Variants in IQSEC1 observed in about 807,000 individuals in gnomAD.
The protein encoded by IQSEC1 is IQ motif and SEC7 domain-containing protein 1.
IQSEC1 carries 31 observed loss-of-function variants against 91.0 expected under a neutral mutation model. That is an observed-to-expected ratio of 0.34 (90% CI 0.26 to 0.46). IQSEC1 has a LOEUF of 0.46. Ranked by LOEUF, IQSEC1 falls within the 20% of genes least tolerant of loss-of-function variation. The pLI, the probability that IQSEC1 is intolerant of heterozygous loss-of-function variation, is 1.00. For synonymous variants in IQSEC1, 699 were observed against 662.6 expected, an observed-to-expected ratio of 1.05 and a Z score of -0.84; for missense variants, 1,388 against 1,575.6, an observed-to-expected ratio of 0.88 and a Z score of 2.02.
chr3:13,172,424 A>G (rs192358708), intron 1 of IQSEC1, among the ~76,000 whole-genome samples: 2 of 152,322 alleles, frequency 1.3e-5, no homozygotes, highest in African/African-American at 4.8e-5. Flanking sequence ...CAGGCCCAGA[A>G]AGACTGAAGC....
intron 2 of IQSEC1, among the ~76,000 whole-genome samples, chr3:13,132,423 G>T (rs1706636151): frequency 6.6e-6 from 1 of 152,106 alleles, no homozygotes; most frequent in African/African-American, 2.4e-5. Context: ...GTTTTCTCAC[G>T]CTCACGAGCT....
chr3:13,206,067 A>T lies in IQSEC1; in HGVS notation c.273-41934T>A, dbSNP rs1249166122. On this transcript the variant is annotated intron_variant, in intron 1 of 15. Transcript: ENST00000648114. ...TGCCCATCCATCACTCCTCCCACCC[A>T]TCTATCTCTCCATCCGGTCAACCAT... Among the ~76,000 whole-genome samples the T allele has an allele frequency of 2.3e-5, 3 of 128,052 alleles. No homozygotes were observed. In the East Asian group the frequency reaches 6.9e-4, roughly 30 times the overall value. 84.0% of individuals were successfully genotyped at this position (128,052 alleles called of 152,430 possible).
chr3:12,951,320 G>C (rs1699528784), intron 1 of IQSEC1, among the ~76,000 whole-genome samples: 1 of 152,176 alleles, frequency 6.6e-6, no homozygotes, highest in African/African-American at 2.4e-5. Flanking sequence ...CTACTCGGGA[G>C]GCTAAGGCGC....
At chr3:13,006,842 G>T (rs1444129623) in intron 1 of IQSEC1, among the ~76,000 whole-genome samples, 2 of 152,314 alleles carry the variant, frequency 1.3e-5, no homozygotes, top group African/African-American at 4.8e-5. Context: ...CCCACGTGGA[G>T]CCCAGAGACA....
chr3:12,978,628 C>T (rs992471553), intron 1 of IQSEC1, among the ~76,000 whole-genome samples: 2 of 152,000 alleles, frequency 1.3e-5, no homozygotes, highest in Non-Finnish European at 2.9e-5. Flanking sequence ...TCACTTGAAC[C>T]CTGGAGGTGG....
At chr3:12,999,705 T>G (rs1327393318) in intron 1 of IQSEC1, among the ~76,000 whole-genome samples, 1 of 152,180 alleles carries the variant, frequency 6.6e-6, no homozygotes, top group Non-Finnish European at 1.5e-5. Flanking sequence ...TCAGTTCCCA[T>G]TGTCTCTGCA....
chr3:12,929,936 C>T lies in IQSEC1; in HGVS notation c.1569-5194G>A, dbSNP rs372919657. 3.3e-5 allele frequency among the ~76,000 whole-genome samples: 5 copies of T among 152,214 alleles called. No homozygotes were observed. The South Asian group carries it at 8.3e-4, about 25-fold the overall frequency. On this transcript the variant is annotated intron_variant, in intron 3 of 13. Coordinates refer to ENST00000613206, the MANE Select transcript of IQSEC1 (RefSeq NM_001134382.3). The stretch of plus-strand genomic sequence containing the variant: ...GCCAGCTTTTCCTCACATCAGATGA[C>T]GATTCAGATTCAAGTGTGACAGGTA...
At chr3:13,088,890 G>A (rs541336705) in intron 2 of IQSEC1, among the ~76,000 whole-genome samples, 8 of 152,252 alleles carry the variant, frequency 5.3e-5, no homozygotes, top group Non-Finnish European at 7.3e-5. Flanking sequence ...CCTCCTGCTA[G>A]GCTAAGTATT....
chr3:12,922,097 G>A lies in IQSEC1; in HGVS notation c.1853+23C>T. 1.3e-6 allele frequency: 2 copies of A among 1,552,898 alleles called. No homozygotes were observed. The highest frequency in any genetic ancestry group is 1.7e-6 in the Non-Finnish European group (2 of 1,143,250). On this transcript the variant is annotated intron_variant, in intron 5 of 13. Transcript: ENST00000613206. This position sits in a 1 kb window ranked among gnomAD's most constrained non-coding sequence, Gnocchi z 5.1. ...GACACCATTCTTCCCTGATGCAGCA[G>A]CCCCAGCCAGCCCGGGCCCCACCTG...
At chr3:13,192,032 CT>C (rs2125035626) in intron 1 of IQSEC1, among the ~76,000 whole-genome samples, 1 of 152,284 alleles carries the variant, frequency 6.6e-6, no homozygotes, top group East Asian at 1.9e-4. Context: ...ATGCCATGTT[CT>C]GATTAGAAAG....
rs577679267 is a variant in IQSEC1, at chr3:13,211,816, G to A, written c.273-47683C>T. ...GCAGATGAAATCCCTAAAAGCCCAC[G>A]GCAAATGCCGCACCCTCCATGCAGC... is the stretch of plus-strand genomic sequence containing the variant. On this transcript the variant is annotated intron_variant, in intron 1 of 15. Transcript: ENST00000648114. The surrounding 1 kb of genome is among the most constrained non-coding windows in gnomAD (Gnocchi z 5.3). 5.3e-5 allele frequency among the ~76,000 whole-genome samples: 8 copies of A among 152,146 alleles called. No homozygotes were observed. Among genetic ancestry groups the A allele is most frequent in the Non-Finnish European group, 8.8e-5 (6 of 68,028 alleles).
intron 1 of IQSEC1, among the ~76,000 whole-genome samples, chr3:12,961,703 C>T (rs950787257): frequency 3.9e-5 from 6 of 152,238 alleles, no homozygotes; most frequent in Admixed American, 2.0e-4. Context: ...CAGTTCCACA[C>T]AGTCAAACTT....
chr3:12,909,412 G>C lies in IQSEC1; in HGVS notation c.2439C>G (p.Leu813=). Residue 813 remains leucine, a synonymous_variant, in exon 11 of 14, where the codon CTC becomes CTG. Transcript: ENST00000613206. The surrounding 1 kb of genome is among the most constrained non-coding windows in gnomAD (Gnocchi z 4.9). ...TATCTGCTCCGGGGACAGACGAGGT[G>C]AGCCGGATGCCATTGGGGTAGTCTG... ...ENQYYPNGIR[L]TSSVPGADIK... is the part of the protein sequence containing the mutation. The C allele has an allele frequency of 1.2e-6, 2 of 1,614,158 alleles. No homozygotes were observed. The highest frequency in any genetic ancestry group is 2.2e-5 in the East Asian group (1 of 44,876).
At chr3:12,930,021 G>A (rs1013897907) in intron 3 of IQSEC1, among the ~76,000 whole-genome samples, 6 of 152,254 alleles carry the variant, frequency 3.9e-5, no homozygotes, top group Admixed American at 3.3e-4. Context: ...TCAGCGGCAA[G>A]CTGAGCTGCT....
chr3:13,221,262 C>T (rs1281071480), intron 1 of IQSEC1, among the ~76,000 whole-genome samples: 2 of 152,196 alleles, frequency 1.3e-5, no homozygotes, highest in African/African-American at 4.8e-5. Context: ...TGGACACAGG[C>T]TTCAGCCCGC....
At chr3:12,995,589 G>A (rs1702196842) in intron 1 of IQSEC1, among the ~76,000 whole-genome samples, 1 of 152,224 alleles carries the variant, frequency 6.6e-6, no homozygotes, top group Non-Finnish European at 1.5e-5. Flanking sequence ...ACACCCACCT[G>A]CGAAGCTGTA....
rs1458860604 is a variant in IQSEC1 at position 12,922,288 on chromosome 3, C to CGA, written c.1731-48_1731-47dup. Reference sequence around the variant, plus strand: ...CCCGCATAAGCACCCCTTGCAGGTGCGACACGCCCAGCCCACCCCCAGGTG... The same window carrying CGA: ...CCCGCATAAGCACCCCTTGCAGGTGCGAGACACGCCCAGCCCACCCCCAGGTG... On this transcript the variant is annotated intron_variant, in intron 4 of 13. Transcript: ENST00000613206. This position sits in a 1 kb window ranked among gnomAD's most constrained non-coding sequence, Gnocchi z 5.1. The CGA allele has an allele frequency of 6.7e-7, 1 of 1,487,496 alleles. No homozygotes were observed. The highest frequency in any genetic ancestry group is 1.4e-5 in the African/African-American group (1 of 70,746). 92.1% of individuals were successfully genotyped at this position (1,487,496 alleles called of 1,614,324 possible). A position where few individuals can be genotyped will look rare whatever the true frequency, so the allele number is the denominator to read the frequency against.
At chr3:12,997,623 A>G (rs753556552) in intron 1 of IQSEC1, among the ~76,000 whole-genome samples, 7 of 152,212 alleles carry the variant, frequency 4.6e-5, no homozygotes, top group Non-Finnish European at 8.8e-5. Context: ...GCTATATGGT[A>G]TGGCCTAGTC....
rs547914545 is a variant in IQSEC1, at chr3:13,261,266, G to A, written c.272+21445C>T. On this transcript the variant is annotated intron_variant, in intron 1 of 15. Coordinates refer to the IQSEC1 transcript ENST00000648114. ...GCCAAGGTCACGCCTCCCTCCCCCA[G>A]GGGCCACACACAATGTCCGGTCGAT... 9.2e-5 allele frequency among the ~76,000 whole-genome samples: 14 copies of A among 152,304 alleles called. No individual in the cohort carries two copies. In the South Asian group the frequency reaches 2.7e-3, roughly 29 times the overall value.
Sources: gnomAD v4.1 joint callset for allele counts (sites outside exome capture counted in the v4.1 genomes callset) on GRCh38, gnomAD v4.1.1 for gene constraint, Gnocchi (gnomAD v3.1) non-coding constraint, MANE v1.5 for transcripts, NCBI Gene and HGNC (gene_info 2026-07-23, HGNC 2026-07-21) for gene names.